Variants in RBKS observed in about 807,000 individuals in gnomAD.
RBKS encodes the protein ribokinase.
Under a neutral mutation model 33.9 loss-of-function variants are expected in RBKS, and 33 were observed. That is an observed-to-expected ratio of 0.97 (90% CI 0.74 to 1.30). The LOEUF is 1.30. Among genes scored for constraint, RBKS ranks in the 50% most tolerant of loss-of-function variants. The pLI is 0.00. For synonymous variants in RBKS, 125 were observed against 143.0 expected, an observed-to-expected ratio of 0.87 and a Z score of 0.90; for missense variants, 361 against 392.6, an observed-to-expected ratio of 0.92 and a Z score of 0.68.
At chr2:27,877,653 T>C (rs1446498133) in intron 1 of RBKS, among the ~76,000 whole-genome samples, 1 of 152,214 alleles carries the variant, frequency 6.6e-6, no homozygotes, top group Non-Finnish European at 1.5e-5. Context: ...CTCTACCTTC[T>C]AGGTCTTGTC....
intron 6 of RBKS, 80 bp downstream of exon 6, chr2:27,832,606 G>C: frequency 1.2e-6 from 1 of 864,236 alleles, no homozygotes; most frequent in Admixed American, 1.9e-5. Flanking sequence ...AAATTGATGT[G>C]GTTAGTTCTG....
intron 2 of RBKS, among the ~76,000 whole-genome samples, chr2:27,852,116 T>C (rs1359514700): frequency 6.6e-6 from 1 of 152,178 alleles, no homozygotes; most frequent in Non-Finnish European, 1.5e-5. Context: ...GAACTCAACA[T>C]GCTCTTTGGA....
chr2:27,801,967 T>A (rs865845087), intron 7 of RBKS, among the ~76,000 whole-genome samples: 2,955 of 71,464 alleles, frequency 0.041, 88 homozygotes, highest in South Asian at 0.065. Context: ...AAAAAAAATA[T>A]ATATATATAT....
chr2:27,794,261 C>T (rs946116291), intron 7 of RBKS, among the ~76,000 whole-genome samples: 6 of 150,136 alleles, frequency 4.0e-5, no homozygotes, highest in African/African-American at 1.2e-4. Context: ...TGTGCCACTG[C>T]ACTCCAGCCT....
At chr2:27,845,375 T>G (rs1309291120) in intron 4 of RBKS, among the ~76,000 whole-genome samples, 3 of 152,216 alleles carry the variant, frequency 2.0e-5, no homozygotes, top group African/African-American at 7.2e-5. Flanking sequence ...AATTCTTCTA[T>G]TACCACCTAT....
intron 7 of RBKS, among the ~76,000 whole-genome samples, chr2:27,812,649 T>C (rs867641299): frequency 2.0e-5 from 3 of 152,210 alleles, no homozygotes; most frequent in Admixed American, 6.5e-5. Flanking sequence ...TAGGTGGGAA[T>C]TGAACAATGA....
intron 7 of RBKS, among the ~76,000 whole-genome samples, chr2:27,805,455 C>T (rs887000262): frequency 6.6e-6 from 1 of 152,222 alleles, no homozygotes; most frequent in Non-Finnish European, 1.5e-5. Flanking sequence ...TGCCATGTTC[C>T]AGGCATAAGA....
At chr2:27,833,431 C>T (rs1053322657) in intron 5 of RBKS, among the ~76,000 whole-genome samples, 1 of 152,108 alleles carries the variant, frequency 6.6e-6, no homozygotes, top group Admixed American at 6.5e-5. Flanking sequence ...GGAATTCAGT[C>T]AGAGGCTGGT....
intron 2 of RBKS, among the ~76,000 whole-genome samples, chr2:27,852,475 G>T (rs952034361): frequency 6.6e-6 from 1 of 152,176 alleles, no homozygotes; most frequent in African/African-American, 2.4e-5. Flanking sequence ...GGATCTTTCT[G>T]CATTGAAGAA....
At chr2:27,849,587 GAAA>G (rs1558549862) in intron 2 of RBKS, among the ~76,000 whole-genome samples, 1 of 100,446 alleles carries the variant, frequency 1.0e-5, no homozygotes, top group African/African-American at 3.7e-5. Context: ...AAAAAAAAAA[GAAA>G]AAGAAAAAAA....
chr2:27,868,525 T>C (rs1239139485), intron 1 of RBKS, among the ~76,000 whole-genome samples: 2 of 152,230 alleles, frequency 1.3e-5, no homozygotes, highest in Non-Finnish European at 2.9e-5. Flanking sequence ...GACTATAATG[T>C]TGGATATTCA....
chr2:27,848,188 A>G (rs539679011), intron 2 of RBKS, 91 bp from the exon 3 acceptor site: 5 of 695,586 alleles, frequency 7.2e-6, no homozygotes, highest in Non-Finnish European at 1.2e-5. Flanking sequence ...TTAAAAGGGC[A>G]TATCTGCACA....
At chr2:27,797,948 T>C in intron 7 of RBKS, among the ~76,000 whole-genome samples, 1 of 151,934 alleles carries the variant, frequency 6.6e-6, no homozygotes, top group East Asian at 1.9e-4. Context: ...ACCGGAGAAC[T>C]GAAGTGGTTC....
intron 5 of RBKS, among the ~76,000 whole-genome samples, chr2:27,840,050 C>T (rs1325136877): frequency 4.1e-5 from 6 of 145,054 alleles, no homozygotes; most frequent in Admixed American, 7.0e-5. Flanking sequence ...GATGGAGTCT[C>T]GCTCTGTCAC....
intron 4 of RBKS, among the ~76,000 whole-genome samples, chr2:27,843,910 T>C (rs1332197478): frequency 6.6e-6 from 1 of 152,210 alleles, no homozygotes; most frequent in Non-Finnish European, 1.5e-5. Context: ...AGAGCTGTGC[T>C]GTCCAACATG....
At chr2:27,853,353 G>GA (rs71401587) in intron 2 of RBKS, among the ~76,000 whole-genome samples, 4,251 of 64,124 alleles carry the variant, frequency 0.066, 237 homozygotes, top group African/African-American at 0.13. Flanking sequence ...ACCTGTCTCT[G>GA]AAAAAAAAAA....
chr2:27,782,300 G>A (rs1677303659), intron 7 of RBKS, among the ~76,000 whole-genome samples: 3 of 151,842 alleles, frequency 2.0e-5, no homozygotes, highest in African/African-American at 4.8e-5. Flanking sequence ...TCCTGCTTCA[G>A]CATCCCAAGT....
At chr2:27,863,661 C>G (rs1664032492) in intron 1 of RBKS, among the ~76,000 whole-genome samples, 1 of 152,214 alleles carries the variant, frequency 6.6e-6, no homozygotes, top group South Asian at 2.1e-4. Flanking sequence ...TGCTTTTTGG[C>G]TTTTGCACTG....
intron 7 of RBKS, among the ~76,000 whole-genome samples, chr2:27,807,369 C>A (rs560000655): frequency 2.0e-5 from 3 of 152,254 alleles, no homozygotes; most frequent in Admixed American, 1.3e-4. Flanking sequence ...ATTACACTGG[C>A]ATGGCAGAGG....
Sources: gnomAD v4.1 joint callset for allele counts (sites outside exome capture counted in the v4.1 genomes callset) on GRCh38, gnomAD v4.1.1 for gene constraint, MANE v1.5 for transcripts, NCBI Gene and HGNC (gene_info 2026-07-23, HGNC 2026-07-21) for gene names.